The following SH3GL2 variants were observed in gnomAD, a reference collection of about 807,000 sequenced individuals.
SH3GL2 encodes SH3 domain containing GRB2 like 2, endophilin A1.
SH3GL2 carries 24 observed loss-of-function variants against 46.0 expected under a neutral mutation model. The ratio of observed to expected loss-of-function variants is 0.52; its 90% CI spans 0.38 to 0.73. The LOEUF (loss-of-function observed/expected upper bound fraction) is 0.73. Ranked by LOEUF, SH3GL2 falls within the 30% of genes least tolerant of loss-of-function variation. The probability of loss-of-function intolerance (pLI) is 0.00; values close to 1 mark genes in which losing one functional copy is unlikely to be tolerated. For synonymous variants in SH3GL2, 196 were observed against 147.1 expected (o/e 1.33, Z -2.40); for missense variants, 413 against 424.2 (o/e 0.97, Z 0.23).
chr9:17,672,332 G>T (rs1820495395), intron 1 of SH3GL2, among the ~76,000 whole-genome samples: 2 of 152,062 alleles, frequency 1.3e-5, no homozygotes, highest in Non-Finnish European at 2.9e-5. Context: ...ATGTTAAGAT[G>T]CCCTAAATGT....
At chr9:17,684,141 C>G (rs1162938158) in intron 1 of SH3GL2, among the ~76,000 whole-genome samples, 1 of 151,988 alleles carries the variant, frequency 6.6e-6, no homozygotes. Context: ...TTAGAACTAT[C>G]AGAGAATTTT....
At chr9:17,680,417 A>T (rs1191678844) in intron 1 of SH3GL2, among the ~76,000 whole-genome samples, 3 of 152,114 alleles carry the variant, frequency 2.0e-5, no homozygotes, top group East Asian at 3.9e-4. Flanking sequence ...TTATTTGTGT[A>T]GAGGTGTTTA....
At chr9:17,621,528 A>G (rs1383174423) in intron 1 of SH3GL2, among the ~76,000 whole-genome samples, 1 of 152,224 alleles carries the variant, frequency 6.6e-6, no homozygotes, top group Non-Finnish European at 1.5e-5. Flanking sequence ...CCTGATTCAT[A>G]CAGAATATTG....
chr9:17,588,935 C>G (rs1818428923), intron 1 of SH3GL2, among the ~76,000 whole-genome samples: 2 of 152,082 alleles, frequency 1.3e-5, no homozygotes, highest in South Asian at 4.2e-4. Context: ...TGGAAGAAGG[C>G]AAGTGTAGCC....
chr9:17,662,703 CTTTTTTTTT>C (rs559842403), intron 1 of SH3GL2, among the ~76,000 whole-genome samples: 1 of 96,962 alleles, frequency 1.0e-5, no homozygotes, highest in South Asian at 4.0e-4. Context: ...TTGGCCAAGT[CTTTTTTTTT>C]TTTTTTTTTT....
chr9:17,668,857 T>G (rs1381162819), intron 1 of SH3GL2, among the ~76,000 whole-genome samples: 1 of 152,084 alleles, frequency 6.6e-6, no homozygotes, highest in Non-Finnish European at 1.5e-5. Context: ...GAGGTTTTGC[T>G]ATGTTGCCTA....
chr9:17,730,835 C>G (rs1348708200), intron 1 of SH3GL2, among the ~76,000 whole-genome samples: 3 of 152,028 alleles, frequency 2.0e-5, no homozygotes, highest in Non-Finnish European at 4.4e-5. Flanking sequence ...TGGGAAATTT[C>G]ACTTAGACTT....
intron 2 of SH3GL2, among the ~76,000 whole-genome samples, chr9:17,758,955 A>G (rs539232496): frequency 3.8e-4 from 58 of 152,246 alleles, no homozygotes; most frequent in Non-Finnish European, 8.1e-4. Flanking sequence ...ACCAAATGTA[A>G]TAATCTAATA....
intron 1 of SH3GL2, among the ~76,000 whole-genome samples, chr9:17,611,975 C>T (rs565210577): frequency 1.3e-5 from 2 of 152,260 alleles, no homozygotes; most frequent in African/African-American, 2.4e-5. Flanking sequence ...TCTTCTTTCA[C>T]CCTGAAAATG....
At chr9:17,591,586 T>C (rs1818482285) in intron 1 of SH3GL2, among the ~76,000 whole-genome samples, 1 of 152,222 alleles carries the variant, frequency 6.6e-6, no homozygotes, top group Non-Finnish European at 1.5e-5. Flanking sequence ...AAAACCTATA[T>C]ACAGAGTGTT....
chr9:17,676,536 T>C lies in SH3GL2; in HGVS notation c.46-70530T>C, dbSNP rs150500729. Among the ~76,000 whole-genome samples the C allele has an allele frequency of 5.9e-5, 9 of 151,794 alleles. No individual in the cohort carries two copies. In the East Asian group the frequency reaches 1.4e-3, roughly 23 times the overall value. ...CAGGAGAATCACTTGAACCCAGGAG[T>C]TGGAGGTTGCAATGAGCTGAGATTG... is the stretch of plus-strand genomic sequence containing the variant. On this transcript the variant is annotated intron_variant, in intron 1 of 8. Coordinates refer to ENST00000380607, the MANE Select transcript of SH3GL2 (RefSeq NM_003026.5).
At chr9:17,686,919 C>T (rs1288999285) in intron 1 of SH3GL2, among the ~76,000 whole-genome samples, 3 of 133,652 alleles carry the variant, frequency 2.2e-5, no homozygotes, top group Non-Finnish European at 4.6e-5. Flanking sequence ...TGCACATGTA[C>T]CCTAAAACTT....
At chr9:17,751,510 T>G (rs1822844673) in intron 2 of SH3GL2, among the ~76,000 whole-genome samples, 1 of 129,022 alleles carries the variant, frequency 7.8e-6, no homozygotes, top group East Asian at 2.0e-4. Flanking sequence ...GTGTGTGTGT[T>G]TTGCCTCAGC....
intron 1 of SH3GL2, among the ~76,000 whole-genome samples, chr9:17,695,424 T>C (rs1037447296): frequency 6.6e-6 from 1 of 152,136 alleles, no homozygotes; most frequent in African/African-American, 2.4e-5. Context: ...TTCACGTAGC[T>C]TCTCTGCTCT....
intron 1 of SH3GL2, among the ~76,000 whole-genome samples, chr9:17,615,134 G>A (rs533202105): frequency 6.6e-6 from 1 of 152,318 alleles, no homozygotes; most frequent in Admixed American, 6.5e-5. Flanking sequence ...ACCCACGGCT[G>A]TGTGTTTATT....
At position 17,674,668 on chromosome 9, in the gene SH3GL2, T is replaced by C. The variant is rs554498967; in HGVS notation, c.46-72398T>C. Among the ~76,000 whole-genome samples, 79 of 152,268 alleles carry C rather than the reference T, an allele frequency of 5.2e-4. 2 individuals carry two copies. In the South Asian group the frequency reaches 0.014, roughly 27 times the overall value. ...TTTTTGTCTTTTTAGGGGTCACTCATGGGTCCTCATTCATCTGGTCGCCCA... is the reference window on the plus strand; with the variant it reads ...TTTTTGTCTTTTTAGGGGTCACTCACGGGTCCTCATTCATCTGGTCGCCCA... On this transcript the variant is annotated intron_variant, in intron 1 of 8. Coordinates refer to ENST00000380607, the MANE Select transcript of SH3GL2 (RefSeq NM_003026.5).
intron 1 of SH3GL2, among the ~76,000 whole-genome samples, chr9:17,699,637 C>T (rs1304625398): frequency 6.6e-6 from 1 of 152,208 alleles, no homozygotes; most frequent in Admixed American, 6.5e-5. Context: ...CTTGGCTGTC[C>T]AGTAGTGCTT....
At position 17,649,141 on chromosome 9, in the gene SH3GL2, C is replaced by G. The variant is rs185797865; in HGVS notation, c.45+69854C>G. 2.8e-4 allele frequency among the ~76,000 whole-genome samples: 43 copies of G among 152,310 alleles called. 1 individual carries two copies. In the East Asian group the frequency reaches 3.7e-3, roughly 13 times the overall value. On this transcript the variant is annotated intron_variant, in intron 1 of 8. Transcript: ENST00000380607. ...TTTGAGAAAGAGTCTTACCCTGTCACCCACAGTGGACAGTGACATGATCTC... is the reference window on the plus strand; with the variant it reads ...TTTGAGAAAGAGTCTTACCCTGTCAGCCACAGTGGACAGTGACATGATCTC...
rs181298631 is a variant in SH3GL2 at position 17,624,407 on chromosome 9, T to C, written c.45+45120T>C. 1.6e-3 allele frequency among the ~76,000 whole-genome samples: 250 copies of C among 152,358 alleles called. No individual in the cohort carries two copies. The Middle Eastern group carries it at 0.024, about 15-fold the overall frequency. On this transcript the variant is annotated intron_variant, in intron 1 of 8. Coordinates refer to ENST00000380607, the MANE Select transcript of SH3GL2 (RefSeq NM_003026.5). ...AGATTTAGCATCCATTGATGATTAT[T>C]ACTGGGTCCAGTCTTCACAGTGATA...
Sources: allele counts gnomAD v4.1 joint callset (sites outside exome capture counted in the v4.1 genomes callset), GRCh38; gene constraint gnomAD v4.1.1; transcripts MANE v1.5; gene names NCBI Gene and HGNC (gene_info 2026-07-23, HGNC 2026-07-21).